Variants in ZNF814 observed in about 807,000 individuals in gnomAD.
ZNF814 encodes zinc finger protein 814.
Under a neutral mutation model 7.5 loss-of-function variants are expected in ZNF814, and 5 were observed. That is an observed-to-expected ratio of 0.67 (90% CI 0.35 to 1.40). The LOEUF (loss-of-function observed/expected upper bound fraction) is 1.40, where lower values mean the gene tolerates loss of function less well. Ranked by LOEUF, ZNF814 falls within the 40% of genes most tolerant of loss-of-function variation. The pLI is 0.04. For missense variants in ZNF814, 962 were observed against 1,018.0 expected (o/e 0.94, Z 0.75); for synonymous variants, 315 against 340.7 (o/e 0.92, Z 0.83).
Position 57,872,657 on chromosome 19 carries a change from A to C in ZNF814, c.*165T>G. On this transcript the variant is annotated 3_prime_UTR_variant, in exon 3 of 3. Coordinates refer to ENST00000435989, the MANE Select transcript of ZNF814 (RefSeq NM_001144989.2). ...GATTTCCCACATTCACTGCACTCAT[A>C]AGGTGGTGTGACCAGTGTGAACTCT... 1 of 1,530,304 alleles carries C rather than the reference A, an allele frequency of 6.5e-7. No homozygotes were observed. Among genetic ancestry groups the C allele is most frequent in the Admixed American group, 1.9e-5 (1 of 53,764 alleles). 94.8% of individuals were successfully genotyped at this position (1,530,304 alleles called of 1,614,324 possible). A position where few individuals can be genotyped will look rare whatever the true frequency, so the allele number is the denominator to read the frequency against.
At chr19:57,876,200 C>A (rs2071606598) in intron 2 of ZNF814, among the ~76,000 whole-genome samples, 1 of 151,992 alleles carries the variant, frequency 6.6e-6, no homozygotes, top group African/African-American at 2.4e-5. Context: ...TCATGATCCA[C>A]CTGCCAGGGC....
At chr19:57,898,224 G>T in the ZNF814 span, among the ~76,000 whole-genome samples, 1 of 152,152 alleles carries the variant, frequency 6.6e-6, no homozygotes, top group Non-Finnish European at 1.5e-5. Context: ...GGCCAAGAAG[G>T]GACGATTCAA....
chr19:57,880,464 A>G (rs1048129477), intron 1 of ZNF814, among the ~76,000 whole-genome samples: 1 of 151,324 alleles, frequency 6.6e-6, no homozygotes, highest in Admixed American at 6.6e-5. Context: ...ATACCTCCAT[A>G]CCACCTGCGT....
the ZNF814 span, among the ~76,000 whole-genome samples, chr19:57,899,834 C>T: frequency 6.6e-6 from 1 of 152,184 alleles, no homozygotes; most frequent in Non-Finnish European, 1.5e-5. Context: ...ACTCTGTATT[C>T]AGATCAAATT....
Position 57,885,638 on chromosome 19 carries a change from A to T in ZNF814, c.36+3129T>A, listed in dbSNP as rs1266917977. Among the ~76,000 whole-genome samples, 9 of 151,872 alleles carry T rather than the reference A, an allele frequency of 5.9e-5. No homozygotes were observed. The South Asian group carries it at 1.9e-3, about 32-fold the overall frequency. ...GAGTAAGACTGTGTCTCAAAAAAAA[A>T]AAAAACAAAAAACAAAGAATAAGAT... is the stretch of plus-strand genomic sequence containing the variant. On this transcript the variant is annotated intron_variant, in intron 1 of 2. Transcript: ENST00000435989.
the ZNF814 span, among the ~76,000 whole-genome samples, chr19:57,895,524 C>A: frequency 6.6e-6 from 1 of 152,078 alleles, no homozygotes; most frequent in Non-Finnish European, 1.5e-5. Flanking sequence ...AATCCGCCCG[C>A]CTCGGCCTCC....
intron 2 of ZNF814, among the ~76,000 whole-genome samples, chr19:57,876,012 G>A (rs1348794388): frequency 7.1e-6 from 1 of 139,910 alleles, no homozygotes; most frequent in Admixed American, 7.8e-5. Context: ...CCAGGCTGGA[G>A]TGCAGTGGTG....
At chr19:57,901,128 G>A in the ZNF814 span, among the ~76,000 whole-genome samples, 4,875 of 151,990 alleles carry the variant, frequency 0.032, 267 homozygotes, top group African/African-American at 0.11. Flanking sequence ...GAGCCACCGC[G>A]CCCAGCAGCC....
In ZNF814 at chr19:57,870,589, T is replaced by A. The variant is rs2071549377; in HGVS notation, c.*2233A>T. 1 of 152,230 alleles carries A rather than the reference T, an allele frequency of 6.6e-6. No homozygotes were observed. Among genetic ancestry groups the A allele is most frequent in the Non-Finnish European group, 1.5e-5 (1 of 68,052 alleles). 9.4% of individuals were successfully genotyped at this position (152,230 alleles called of 1,614,324 possible). ...TAGATTATTTCCTCTGACAATGGCC[T>A]CAACAATACAATATTCATCATTATG... is the stretch of plus-strand genomic sequence containing the variant. On this transcript the variant is annotated 3_prime_UTR_variant, in exon 3 of 3. Coordinates refer to ENST00000435989, the MANE Select transcript of ZNF814 (RefSeq NM_001144989.2).
chr19:57,877,374 GTCCATC>G (rs1335232886), intron 1 of ZNF814, among the ~76,000 whole-genome samples: 1 of 152,096 alleles, frequency 6.6e-6, no homozygotes, highest in Non-Finnish European at 1.5e-5. Flanking sequence ...TACATTCCAT[GTCCATC>G]CCCAGGTGAC....
At position 57,888,991 on chromosome 19, in the gene ZNF814, A is replaced by T. The variant is rs1219351149; in HGVS notation, c.-189T>A. 1.7e-6 allele frequency: 1 copy of T among 601,550 alleles called. No individual in the cohort carries two copies. The highest frequency in any genetic ancestry group is 2.9e-6 in the Non-Finnish European group (1 of 341,916). 37.3% of individuals were successfully genotyped at this position (601,550 alleles called of 1,614,324 possible). Reference sequence around the variant, plus strand: ...GGTTCAGTCACCACAGTGCGGACCTAGCGCTCAGGAGCCTCTCCTACAAAT... The same window carrying T: ...GGTTCAGTCACCACAGTGCGGACCTTGCGCTCAGGAGCCTCTCCTACAAAT... On this transcript the variant is annotated 5_prime_UTR_variant, in exon 1 of 3. Coordinates refer to ENST00000435989, the MANE Select transcript of ZNF814 (RefSeq NM_001144989.2).
chr19:57,902,002 C>T, the ZNF814 span, among the ~76,000 whole-genome samples: 7 of 152,154 alleles, frequency 4.6e-5, no homozygotes. Flanking sequence ...TATAAATATC[C>T]TCCAATATGC....
At chr19:57,875,986 A>C (rs2071604225) in intron 2 of ZNF814, among the ~76,000 whole-genome samples, 1 of 95,404 alleles carries the variant, frequency 1.0e-5, no homozygotes, top group Admixed American at 1.7e-4. Context: ...TTTGAGATGG[A>C]GTCTCGCTCT....
chr19:57,873,382 T>C lies in ZNF814; in HGVS notation c.2008A>G (p.Ser670Gly). ...FKCGECGKCF[S>G]HKGNLILHQH... is the part of the protein sequence containing the mutation. ...TGTAGAATGAGGTTACCCTTGTGAC[T>C]AAAACATTTCCCACATTCCCCACAC... The change falls in exon 3 of 3, where the codon AGT (serine) becomes GGT (glycine). Residue 670 changes from serine to glycine, a missense_variant. This residue lies in a region of ZNF814 where 665 missense variants were observed against 551.4 expected (regional missense o/e 1.21). Transcript: ENST00000435989. 1 of 1,606,764 alleles carries C rather than the reference T, an allele frequency of 6.2e-7. No homozygotes were observed. Among genetic ancestry groups the C allele is most frequent in the South Asian group, 1.1e-5 (1 of 90,446 alleles).
intron 1 of ZNF814, among the ~76,000 whole-genome samples, chr19:57,886,500 A>G (rs1261467102): frequency 6.6e-6 from 1 of 152,116 alleles, no homozygotes; most frequent in African/African-American, 2.4e-5. Context: ...CACACTTGAC[A>G]TAACTAACTC....
the ZNF814 span, among the ~76,000 whole-genome samples, chr19:57,902,664 C>CT: frequency 2.5e-3 from 352 of 143,600 alleles, 1 homozygote; most frequent in Admixed American, 4.5e-3. Flanking sequence ...TATTACTCTT[C>CT]TTTTTTTTTT....
At chr19:57,878,356 G>C (rs963379643) in intron 1 of ZNF814, among the ~76,000 whole-genome samples, 2 of 151,540 alleles carry the variant, frequency 1.3e-5, no homozygotes, top group Non-Finnish European at 2.9e-5. Flanking sequence ...TGACTTATTT[G>C]AATAACTCTG....
the ZNF814 span, among the ~76,000 whole-genome samples, chr19:57,903,829 G>A: frequency 6.6e-6 from 1 of 152,098 alleles, no homozygotes; most frequent in East Asian, 1.9e-4. Flanking sequence ...TAGCTGTGGC[G>A]GTTTTGCAGG....
rs776264292 is a variant in ZNF814 at position 57,874,128 on chromosome 19, C to T, written c.1262G>A (p.Ser421Asn). 7 of 1,597,516 alleles carry T rather than the reference C, an allele frequency of 4.4e-6. No homozygotes were observed. Among genetic ancestry groups the T allele is most frequent in the Non-Finnish European group, 6.0e-6 (7 of 1,171,770 alleles). ...AAATCGCTGATGTTGAATGAGGCTG[C>T]TCTTTTGACTAAAGGATTTCCCACA... ...GECGKSFSQK[S>N]SLIQHQRFHT... The change falls in exon 3 of 3, where the codon AGC (serine) becomes AAC (asparagine). Residue 421 changes from serine (S) to asparagine (N), a missense_variant. Physicochemically the swap from Ser to Asn is conservative, Grantham distance 46 (BLOSUM62 1). This residue lies in a region of ZNF814 where 665 missense variants were observed against 551.4 expected (regional missense o/e 1.21). Coordinates refer to ENST00000435989, the MANE Select transcript of ZNF814 (RefSeq NM_001144989.2).
Sources: allele counts gnomAD v4.1 joint callset (sites outside exome capture counted in the v4.1 genomes callset), GRCh38; gene constraint gnomAD v4.1.1; regional missense constraint gnomAD v4.1.1; transcripts MANE v1.5; gene names NCBI Gene and HGNC (gene_info 2026-07-23, HGNC 2026-07-21).